Variants in NPAS4 observed in about 807,000 individuals in gnomAD.
NPAS4 encodes neuronal PAS domain-containing protein 4.
NPAS4 carries 10 observed loss-of-function variants against 64.0 expected under a neutral mutation model. That is an observed-to-expected ratio of 0.16 (90% CI 0.10 to 0.26). NPAS4 has a LOEUF of 0.26. NPAS4 is among the 10% of genes least tolerant of loss of function. NPAS4 has a pLI of 1.00. For synonymous variants in NPAS4, 441 were observed against 411.7 expected, an observed-to-expected ratio of 1.07 and a Z score of -0.86; for missense variants, 886 against 992.6, an observed-to-expected ratio of 0.89 and a Z score of 1.44.
Position 66,423,913 on chromosome 11 carries a change from C to T in NPAS4, c.1023C>T (p.Thr341=), listed in dbSNP as rs773159818. The T allele has an allele frequency of 6.2e-7, 1 of 1,613,984 alleles. No individual in the cohort carries two copies. Among genetic ancestry groups the T allele is most frequent in the Non-Finnish European group, 8.5e-7 (1 of 1,180,002 alleles). ...TQAAYVLGTP[T]MLPSFPENIL... is the part of the protein sequence containing the mutation. ...CAGCTTATGTCCTGGGCACTCCGAC[C>T]ATGCTGCCCTCATTCCCTGAAAACA... Residue 341 remains threonine (T), a synonymous_variant, in exon 7 of 8, where the codon ACC becomes ACT. Coordinates refer to ENST00000311034, the MANE Select transcript of NPAS4 (RefSeq NM_178864.4).
rs368389960 is a variant in NPAS4 at position 66,422,102 on chromosome 11, C to A, written c.176-18C>A. On this transcript the variant is annotated intron_variant, in intron 1 of 7. Coordinates refer to ENST00000311034, the MANE Select transcript of NPAS4 (RefSeq NM_178864.4). ...TCCCAGTCTTACTCCTGACGCACTA[C>A]GTCTTCTCGCCCTACAGGCACTCCT... 5.6e-6 allele frequency: 9 copies of A among 1,611,454 alleles called. No homozygotes were observed. The Admixed American group carries it at 8.3e-5, about 15-fold the overall frequency.
rs1856836406 is a variant in NPAS4 at position 66,426,192 on chromosome 11, C to G, written c.*203C>G. The G allele has an allele frequency of 5.4e-6, 3 of 558,920 alleles. No homozygotes were observed. The highest frequency in any genetic ancestry group is 9.6e-6 in the Non-Finnish European group (3 of 310,976). The allele number at this position is 558,920 out of a possible 1,614,324, so 34.6% of individuals were successfully genotyped here. ...CTTTTTAAAATCAAGAGACTTCGAG[C>G]GATCCCAGTTTCCATTTCAATCTGT... is the stretch of plus-strand genomic sequence containing the variant. On this transcript the variant is annotated 3_prime_UTR_variant, in exon 8 of 8. Transcript: ENST00000311034.
At chr11:66,410,755 G>A in the NPAS4 span, 3 of 152,404 alleles carry the variant, frequency 2.0e-5, no homozygotes, top group Non-Finnish European at 4.4e-5. Context: ...CTCCAATTAT[G>A]AGTCTGGGAT....
chr11:66,413,839 G>A, the NPAS4 span, among the ~76,000 whole-genome samples: 2 of 152,164 alleles, frequency 1.3e-5, no homozygotes, highest in East Asian at 1.9e-4. Context: ...CTTGACAGCA[G>A]TATCCCACTG....
the NPAS4 span, among the ~76,000 whole-genome samples, chr11:66,414,209 T>A: frequency 1.3e-5 from 2 of 152,118 alleles, no homozygotes; most frequent in East Asian, 3.9e-4. Flanking sequence ...CTGGGAGTGG[T>A]GGTGGAGAGG....
At chr11:66,419,094 T>C (rs184317730), upstream of NPAS4, among the ~76,000 whole-genome samples, 22 of 152,130 alleles carry the variant, frequency 1.4e-4, no homozygotes, top group Admixed American at 7.9e-4. Context: ...AAATGGAAGA[T>C]TGAGAGAGGG....
chr11:66,417,903 A>T (rs1290891507), upstream of NPAS4, among the ~76,000 whole-genome samples: 1 of 152,200 alleles, frequency 6.6e-6, no homozygotes, highest in East Asian at 1.9e-4. Context: ...ATGCAAACAG[A>T]TAGAGATGTA....
In NPAS4 at chr11:66,422,164, C is replaced by T. The variant is rs1403435655; in HGVS notation, c.220C>T (p.Leu74Phe). The T allele has an allele frequency of 6.2e-7, 1 of 1,614,098 alleles. No individual in the cohort carries two copies. ...GPTGLLSAQE[L>F]EDIVAALPGF... is the part of the protein sequence containing the mutation. ...CACGGGGCTTCTCTCAGCTCAAGAG[C>T]TTGAGGACATCGTAGCGGCACTACC... is the stretch of plus-strand genomic sequence containing the variant. The change falls in exon 2 of 8, where the codon CTT (leucine) becomes TTT (phenylalanine). Residue 74 changes from leucine (L) to phenylalanine (F), a missense_variant. Leu to Phe is a conservative substitution (Grantham distance 22, BLOSUM62 0). Transcript: ENST00000311034.
chr11:66,422,566 T>G lies in NPAS4; in HGVS notation c.430+13T>G, dbSNP rs1261932667. ...GCCCTGGACACTGGTAAGGACTCCC[T>G]TCTCCCTTCCTCGGTCCAATTTCCC... On this transcript the variant is annotated intron_variant, in intron 3 of 7. Transcript: ENST00000311034. The G allele has an allele frequency of 3.7e-6, 6 of 1,609,588 alleles. No individual in the cohort carries two copies. The Admixed American group carries it at 8.3e-5, about 22-fold the overall frequency.
At chr11:66,415,691 G>T in the NPAS4 span, among the ~76,000 whole-genome samples, 1 of 152,222 alleles carries the variant, frequency 6.6e-6, no homozygotes, top group African/African-American at 2.4e-5. Flanking sequence ...GCCCTATCAC[G>T]TGGTGCAAAA....
chr11:66,416,782 C>A (rs543267160), upstream of NPAS4: 1 of 152,352 alleles, frequency 6.6e-6, no homozygotes, highest in Non-Finnish European at 1.5e-5. Context: ...CCCCCTTTCT[C>A]TTTCTCATAG....
chr11:66,425,932 T>C (rs752825016), intron 7 of NPAS4, 29 bp from the exon 8 acceptor site: 5 of 1,582,396 alleles, frequency 3.2e-6, no homozygotes, highest in Non-Finnish European at 3.5e-6. Flanking sequence ...GTCTAACTGA[T>C]TGTGTTCTCT....
the NPAS4 span, among the ~76,000 whole-genome samples, chr11:66,415,194 C>T: frequency 6.6e-6 from 1 of 152,282 alleles, no homozygotes; most frequent in East Asian, 1.9e-4. Context: ...GGAAGTGGAG[C>T]ATCATCCTGC....
chr11:66,424,700 C>T lies in NPAS4; in HGVS notation c.1810C>T (p.Leu604=). 1 of 1,613,036 alleles carries T rather than the reference C, an allele frequency of 6.2e-7. No homozygotes were observed. Among genetic ancestry groups the T allele is most frequent in the Middle Eastern group, 1.7e-4 (1 of 6,056 alleles). The change falls in exon 7 of 8, where the codon CTG becomes TTG. Residue 604 remains leucine, a synonymous_variant. Transcript: ENST00000311034. ...LRGPLSVDVP[L]VPEGLLTPEA... is the part of the protein sequence containing the mutation. ...GGGCCCCCTCTCTGTGGATGTCCCC[C>T]TGGTGCCCGAAGGCCTGCTCACACC... is the stretch of plus-strand genomic sequence containing the variant.
In NPAS4 at chr11:66,425,970, G is replaced by A. The variant is rs1348758775; in HGVS notation, c.2390G>A (p.Gly797Glu). Residue 797 changes from glycine to glutamate, a missense_variant, in exon 8 of 8, where the codon GGA becomes GAA. Physicochemically the swap from Gly to Glu is moderately conservative, Grantham distance 98. Around this residue, in one of 3 missense-constraint regions of NPAS4, gnomAD observed 28 missense variants for 57.0 expected, o/e 0.49. Transcript: ENST00000311034. ...VQDSFHEDGSGGEPTF is the reference protein window; with the variant it reads ...VQDSFHEDGSEGEPTF Reference sequence around the variant, plus strand: ...ATCTATCTCTCTGCAGATGGAAGTGGAGGGGAACCAACGTTTTGAATAAGT... The same window carrying A: ...ATCTATCTCTCTGCAGATGGAAGTGAAGGGGAACCAACGTTTTGAATAAGT... 1 of 1,611,854 alleles carries A rather than the reference G, an allele frequency of 6.2e-7. No homozygotes were observed. The highest frequency in any genetic ancestry group is 8.5e-7 in the Non-Finnish European group (1 of 1,178,030).
At chr11:66,420,908 C>G (rs1856730834), upstream of NPAS4, 1 of 419,710 alleles carries the variant, frequency 2.4e-6, no homozygotes. Flanking sequence ...AGGAGCCCCC[C>G]TCCCCAGTCA....
rs139639624 is a variant in NPAS4 at position 66,425,016 on chromosome 11, C to A, written c.2126C>A (p.Pro709His). The A allele has an allele frequency of 3.1e-6, 5 of 1,613,760 alleles. No homozygotes were observed. The African/African-American group carries it at 6.7e-5, about 22-fold the overall frequency. Residue 709 changes from proline (P) to histidine (H), a missense_variant, in exon 7 of 8, where the codon CCC (proline) becomes CAC (histidine). This residue lies in a region of NPAS4 where 820 missense variants were observed against 855.5 expected (regional missense o/e 0.96). Coordinates refer to ENST00000311034, the MANE Select transcript of NPAS4 (RefSeq NM_178864.4). ...GATAACATGTTCCTGGAAGAGACGCCCGTGGAAGACATCTTCATGGATCTC... is the reference window on the plus strand; with the variant it reads ...GATAACATGTTCCTGGAAGAGACGCACGTGGAAGACATCTTCATGGATCTC... ...DPDNMFLEET[P>H]VEDIFMDLST...
chr11:66,423,993 G>T lies in NPAS4; in HGVS notation c.1103G>T (p.Gly368Val). 1 of 1,614,072 alleles carries T rather than the reference G, an allele frequency of 6.2e-7. No individual in the cohort carries two copies. Among genetic ancestry groups the T allele is most frequent in the Non-Finnish European group, 8.5e-7 (1 of 1,180,010 alleles). ...AACCCACTCTTCACCGCAGCACTGG[G>T]GGCTCCCAGAAGCACCAGCTTCCCC... ...STNPLFTAAL[G>V]APRSTSFPSA... Residue 368 changes from glycine (G) to valine (V), a missense_variant, in exon 7 of 8, where the codon GGG becomes GTG. Transcript: ENST00000311034.
chr11:66,425,589 A>T (rs777997501), intron 7 of NPAS4, among the ~76,000 whole-genome samples: 1 of 152,186 alleles, frequency 6.6e-6, no homozygotes, highest in Non-Finnish European at 1.5e-5. Flanking sequence ...TCAAGGTCCC[A>T]GAGTTAAACA....
Sources: gnomAD v4.1 joint callset for allele counts (sites outside exome capture counted in the v4.1 genomes callset) on GRCh38, gnomAD v4.1.1 for gene constraint, gnomAD v4.1.1 regional missense constraint, MANE v1.5 for transcripts, NCBI Gene and HGNC (gene_info 2026-07-23, HGNC 2026-07-21) for gene names.